ULK4: variants seen among roughly 807,000 people sequenced by gnomAD.
ULK4 encodes the protein inactive serine/threonine-protein kinase ULK4.
A neutral mutation model predicts 160.6 loss-of-function variants in ULK4; 133 were observed. The observed-to-expected ratio is 0.83, with a 90% confidence interval of 0.72 to 0.96. The LOEUF is 0.96. ULK4 is among the 40% of genes least tolerant of loss of function. The probability of loss-of-function intolerance (pLI) is 0.00; values close to 1 mark genes in which losing one functional copy is unlikely to be tolerated. For synonymous variants in ULK4, 534 were observed against 539.8 expected, an observed-to-expected ratio of 0.99 and a Z score of 0.15; for missense variants, 1,580 against 1,499.5, an observed-to-expected ratio of 1.05 and a Z score of -0.89.
At chr3:41,749,984 C>G (rs2038559078) in intron 22 of ULK4, among the ~76,000 whole-genome samples, 1 of 152,068 alleles carries the variant, frequency 6.6e-6, no homozygotes, top group Admixed American at 6.6e-5. Flanking sequence ...CAAATACCAG[C>G]AAGAAAGTGA....
chr3:41,561,306 G>A (rs1182468405), intron 32 of ULK4, among the ~76,000 whole-genome samples: 1 of 152,184 alleles, frequency 6.6e-6, no homozygotes, highest in African/African-American at 2.4e-5. Context: ...GTTCATCAAG[G>A]ATATTGGTCT....
chr3:41,309,906 A>ATT (rs2080017873), intron 35 of ULK4, among the ~76,000 whole-genome samples: 1 of 152,208 alleles, frequency 6.6e-6, no homozygotes, highest in African/African-American at 2.4e-5. Flanking sequence ...GGGAAAAAAA[A>ATT]AAAAATGACA....
At chr3:41,348,648 G>A (rs10510719) in intron 35 of ULK4, among the ~76,000 whole-genome samples, 41,457 of 151,576 alleles carry the variant, frequency 0.27, 5,866 homozygotes, top group Middle Eastern at 0.36. Flanking sequence ...CCAGTAAAAC[G>A]CGAGTAAATG....
chr3:41,762,851 G>C (rs28823970), intron 21 of ULK4, among the ~76,000 whole-genome samples: 16 of 151,898 alleles, frequency 1.1e-4, no homozygotes, highest in African/African-American at 2.4e-4. Flanking sequence ...ATTTTTAGTA[G>C]AGACAGGGTT....
intron 18 of ULK4, among the ~76,000 whole-genome samples, chr3:41,834,729 G>A (rs932034282): frequency 6.6e-6 from 1 of 152,206 alleles, no homozygotes; most frequent in Non-Finnish European, 1.5e-5. Flanking sequence ...ATTTGAGCAA[G>A]TGCTAGAACC....
At chr3:41,794,536 C>T (rs1361258703) in intron 20 of ULK4, among the ~76,000 whole-genome samples, 2 of 151,522 alleles carry the variant, frequency 1.3e-5, no homozygotes, top group African/African-American at 2.4e-5. Context: ...TGGTGGACAC[C>T]TGTAATCTCA....
intron 5 of ULK4, among the ~76,000 whole-genome samples, chr3:41,922,856 A>G (rs1699241094): frequency 6.6e-6 from 1 of 152,204 alleles, no homozygotes; most frequent in South Asian, 2.1e-4. Flanking sequence ...GTCTTAAGAA[A>G]GGTTCTTCAG....
At chr3:41,505,659 T>C (rs1022300396) in intron 32 of ULK4, among the ~76,000 whole-genome samples, 2 of 152,192 alleles carry the variant, frequency 1.3e-5, no homozygotes, top group Non-Finnish European at 2.9e-5. Flanking sequence ...TTTTTTTATA[T>C]TGACCTTGTG....
rs543190652 is a variant in ULK4 at position 41,830,136 on chromosome 3, G to T, written c.1764+5728C>A. On this transcript the variant is annotated intron_variant, in intron 18 of 36. Coordinates refer to ENST00000301831, the MANE Select transcript of ULK4 (RefSeq NM_017886.4). ...ACAGAAAGGGGAACATCACTCTCTG[G>T]GGACTGTTGTGGGGTAGGGGGAGTG... Among the ~76,000 whole-genome samples, 6 of 152,178 alleles carry T rather than the reference G, an allele frequency of 3.9e-5. No individual in the cohort carries two copies. In the South Asian group the frequency reaches 1.2e-3, roughly 32 times the overall value.
chr3:41,925,700 C>T (rs1716643), intron 5 of ULK4, among the ~76,000 whole-genome samples: 103,920 of 151,914 alleles, frequency 0.68, 39,103 homozygotes, highest in East Asian at 0.83. Flanking sequence ...TGACCTGGGA[C>T]GCTCGAGCTT....
intron 17 of ULK4, chr3:41,854,256 AC>A (rs2042282612): frequency 6.6e-6 from 1 of 152,256 alleles, no homozygotes; most frequent in Non-Finnish European, 1.5e-5. Flanking sequence ...CTGCTCAGCC[AC>A]CCCTTAAACC....
At chr3:41,759,310 A>G (rs912659799) in intron 21 of ULK4, among the ~76,000 whole-genome samples, 2 of 152,214 alleles carry the variant, frequency 1.3e-5, no homozygotes, top group Admixed American at 1.3e-4. Context: ...GAGTTTAGCA[A>G]AATCTGGTAT....
At chr3:41,959,321 G>A (rs991237254) in intron 1 of ULK4, among the ~76,000 whole-genome samples, 7 of 144,932 alleles carry the variant, frequency 4.8e-5, no homozygotes, top group African/African-American at 1.3e-4. Context: ...CCAAGATCGC[G>A]CCACTGCACT....
intron 27 of ULK4, among the ~76,000 whole-genome samples, chr3:41,699,530 C>T (rs977306241): frequency 1.4e-5 from 2 of 145,972 alleles, no homozygotes; most frequent in South Asian, 4.1e-4. Flanking sequence ...CTGTACAAAA[C>T]AAATCGTGGC....
chr3:41,685,242 C>A (rs1005882036), intron 27 of ULK4, among the ~76,000 whole-genome samples: 14 of 152,180 alleles, frequency 9.2e-5, no homozygotes, highest in African/African-American at 3.4e-4. Flanking sequence ...ATAACTTGTT[C>A]AGCAGGAAGT....
intron 4 of ULK4, among the ~76,000 whole-genome samples, chr3:41,933,494 T>C (rs769739542): frequency 3.9e-5 from 6 of 152,158 alleles, no homozygotes; most frequent in South Asian, 2.1e-4. Flanking sequence ...AAAGTTTATA[T>C]ACAAAAATAG....
chr3:41,866,780 C>T (rs1396847267), intron 17 of ULK4, among the ~76,000 whole-genome samples: 1 of 78,260 alleles, frequency 1.3e-5, no homozygotes, highest in Non-Finnish European at 2.1e-5. Context: ...TTATTAAAAA[C>T]TGGAAGGTTT....
chr3:41,583,215 A>G (rs746454915), intron 31 of ULK4, among the ~76,000 whole-genome samples: 2 of 152,218 alleles, frequency 1.3e-5, no homozygotes, highest in Non-Finnish European at 2.9e-5. Context: ...ATGGAGCTTT[A>G]ATGATGGAAA....
chr3:41,735,648 CTA>C (rs1307216368), intron 22 of ULK4, among the ~76,000 whole-genome samples: 1 of 151,610 alleles, frequency 6.6e-6, no homozygotes, highest in African/African-American at 2.4e-5. Context: ...AGTCAAAACA[CTA>C]CAGTTTTCTC....
Sources: allele counts gnomAD v4.1 joint callset (sites outside exome capture counted in the v4.1 genomes callset), GRCh38; gene constraint gnomAD v4.1.1; transcripts MANE v1.5; gene names NCBI Gene and HGNC (gene_info 2026-07-23, HGNC 2026-07-21).